NBPF12: variants seen among roughly 807,000 people sequenced by gnomAD.
The protein encoded by NBPF12 is NBPF member 12, also known as NBPF family member NBPF12.
NBPF12 carries 115 observed loss-of-function variants against 146.4 expected under a neutral mutation model. The observed-to-expected ratio is 0.79, with a 90% CI of 0.68 to 0.92. The LOEUF (loss-of-function observed/expected upper bound fraction) is 0.92, where lower values mean the gene tolerates loss of function less well. Among genes scored for constraint, NBPF12 ranks in the 40% least tolerant of loss-of-function variants. The pLI is 0.00. For synonymous variants in NBPF12, 385 were observed against 508.9 expected, an observed-to-expected ratio of 0.76 and a Z score of 3.28; for missense variants, 1,205 against 1,326.8, an observed-to-expected ratio of 0.91 and a Z score of 1.43.
At chr1:146,941,983 G>C (rs1272453812) in intron 1 of NBPF12, among the ~76,000 whole-genome samples, 1 of 148,128 alleles carries the variant, frequency 6.8e-6, no homozygotes, top group African/African-American at 2.5e-5. Context: ...TCAGCCTCCT[G>C]AGTAGCTGCG....
At chr1:146,978,674 T>A in intron 18 of NBPF12, among the ~76,000 whole-genome samples, 1 of 149,920 alleles carries the variant, frequency 6.7e-6, no homozygotes, top group Non-Finnish European at 1.5e-5. Context: ...GTTTGACCAA[T>A]TTTTGGAGAT....
intron 4 of NBPF12, among the ~76,000 whole-genome samples, chr1:146,961,282 G>A (rs1470585810): frequency 7.9e-5 from 12 of 151,744 alleles, no homozygotes; most frequent in Admixed American, 3.9e-4. Context: ...CCGAGAATGT[G>A]TGGAAGCAGC....
exon 16 of NBPF12, chr1:146,975,851 G>T (rs1656956284): frequency 3.1e-6 from 5 of 1,610,572 alleles, no homozygotes; most frequent in South Asian, 2.2e-5. Flanking sequence ...TGGCTGAGGG[G>T]TGTAGACTGG....
chr1:146,949,105 T>G (rs1655210044), upstream of NBPF12, among the ~76,000 whole-genome samples: 1 of 152,180 alleles, frequency 6.6e-6, no homozygotes. Context: ...TAATGATCAA[T>G]AAATACTAAG....
In NBPF12 at chr1:146,992,434, TTCTC is replaced by T. The variant is rs139645973; in HGVS notation, c.3849-252_3849-249del. Among the ~76,000 whole-genome samples the T allele has an allele frequency of 6.2e-3, 505 of 81,402 alleles. 7 individuals carry two copies. The highest frequency in any genetic ancestry group is 9.4e-3 in the Admixed American group (67 of 7,110). 53.4% of individuals were successfully genotyped at this position (81,402 alleles called of 152,430 possible). ...TCACCTGGACAATTCACTGAGCTCG[TTCTC>T]TCTCTCTCTCTCTCTCTCTCTCTCT... is the stretch of plus-strand genomic sequence containing the variant. On this transcript the variant is annotated intron_variant, in intron 31 of 33. Transcript: ENST00000617844.
rs1182772088 is a variant in NBPF12 at position 146,960,355 on chromosome 1, A to G, written c.175+37A>G. ...AGGCTCACCATCATGAAAGTGATGA[A>G]TGATGTCCTGTCTTCTCTCTGAGAC... On this transcript the variant is annotated intron_variant, in intron 4 of 33. Coordinates refer to ENST00000617844, the Ensembl canonical transcript of NBPF12. The G allele has an allele frequency of 4.9e-5, 73 of 1,484,588 alleles. 1 individual carries two copies. Among genetic ancestry groups the G allele is most frequent in the Admixed American group, 6.7e-5 (4 of 59,566 alleles). The allele number at this position is 1,484,588 out of a possible 1,614,324, so 92.0% of individuals were successfully genotyped here.
chr1:146,964,462 T>A (rs1288473161), intron 7 of NBPF12, 33 bp downstream of exon 10: 3 of 1,594,824 alleles, frequency 1.9e-6, no homozygotes, highest in Admixed American at 3.3e-5. Flanking sequence ...AAGTAATGGG[T>A]GGTAACATAT....
intron 18 of NBPF12, among the ~76,000 whole-genome samples, chr1:146,978,072 T>G (rs1372792914): frequency 1.3e-5 from 2 of 151,626 alleles, no homozygotes; most frequent in African/African-American, 4.8e-5. Flanking sequence ...TTCCCCAGGC[T>G]TCACTGCTCT....
At position 146,957,913 on chromosome 1, in the gene NBPF12, A is replaced by G. The variant is rs1406313881; in HGVS notation, c.-183-1946A>G. On this transcript the variant is annotated intron_variant, in intron 2 of 33. Coordinates refer to ENST00000617844, the Ensembl canonical transcript of NBPF12. ...TACACATATATATACACGTATGTATATACACGTATATAATATATATTCGTG... is the reference window on the plus strand; with the variant it reads ...TACACATATATATACACGTATGTATGTACACGTATATAATATATATTCGTG... Among the ~76,000 whole-genome samples the G allele has an allele frequency of 4.2e-5, 5 of 120,118 alleles. 1 individual carries two copies. Among genetic ancestry groups the G allele is most frequent in the African/African-American group, 1.4e-4 (5 of 35,138 alleles). The allele number at this position is 120,118 out of a possible 152,430, so 78.8% of individuals were successfully genotyped here. A position where few individuals can be genotyped will look rare whatever the true frequency, so the allele number is the denominator to read the frequency against.
At chr1:146,971,961 G>T (rs1351947608) in intron 13 of NBPF12, among the ~76,000 whole-genome samples, 1 of 149,074 alleles carries the variant, frequency 6.7e-6, no homozygotes, top group African/African-American at 2.5e-5. Flanking sequence ...GGTGTTGGGT[G>T]CCTGTAGTCT....
intron 25 of NBPF12, among the ~76,000 whole-genome samples, 193 bp from the exon 29 acceptor site, chr1:146,987,755 GTGTGTC>G (rs1395078299): frequency 6.6e-6 from 1 of 151,640 alleles, no homozygotes; most frequent in Middle Eastern, 3.2e-3. Flanking sequence ...GTGTGTGTGT[GTGTGTC>G]TGTCTTTCTC....
At chr1:146,966,360 C>A in intron 8 of NBPF12, 104 bp from the exon 12 acceptor site, 12 of 1,034,342 alleles carry the variant, frequency 1.2e-5, no homozygotes, top group Non-Finnish European at 1.5e-5. Context: ...ACATCATCTT[C>A]GAATAAGTAC....
At chr1:146,992,657 C>G (rs1389840448) in intron 31 of NBPF12, 55 bp from the exon 35 acceptor site, 2 of 768,488 alleles carry the variant, frequency 2.6e-6, no homozygotes, top group South Asian at 1.4e-5. Flanking sequence ...CTAGTTGGGG[C>G]TCTGTTGTGT....
intron 18 of NBPF12, among the ~76,000 whole-genome samples, chr1:146,978,383 G>A (rs1657184353): frequency 6.9e-6 from 1 of 143,924 alleles, no homozygotes; most frequent in South Asian, 2.3e-4. Flanking sequence ...TCCTGCCTCA[G>A]CCTCCTGAGT....
intron 8 of NBPF12, among the ~76,000 whole-genome samples, chr1:146,965,932 A>G (rs1391016643): frequency 1.3e-5 from 2 of 151,258 alleles, no homozygotes; most frequent in African/African-American, 4.9e-5. Flanking sequence ...AGATGGCGAA[A>G]CCCCATCTCT....
chr1:146,972,028 C>A (rs1178279127), intron 13 of NBPF12, among the ~76,000 whole-genome samples: 1 of 147,548 alleles, frequency 6.8e-6, no homozygotes, highest in African/African-American at 2.6e-5. Flanking sequence ...CCGGATCTTG[C>A]AGTGAGCCGA....
chr1:146,966,765 T>A, intron 9 of NBPF12, 92 bp downstream of exon 12: 6 of 809,390 alleles, frequency 7.4e-6, no homozygotes, highest in Non-Finnish European at 1.3e-5. Context: ...AAAAATAATG[T>A]CATCCTCCCC....
At chr1:146,954,679 G>A (rs1443136728) in intron 2 of NBPF12, among the ~76,000 whole-genome samples, 1 of 149,266 alleles carries the variant, frequency 6.7e-6, no homozygotes, top group Non-Finnish European at 1.5e-5. Context: ...TAATAAAATA[G>A]CAATATTATA....
intron 9 of NBPF12, among the ~76,000 whole-genome samples, chr1:146,967,317 A>G (rs2101863536): frequency 6.6e-6 from 1 of 150,838 alleles, no homozygotes; most frequent in African/African-American, 2.5e-5. Context: ...CCTGGGCAAC[A>G]TGGAGAAACC....
Sources: gnomAD v4.1 joint callset for allele counts (sites outside exome capture counted in the v4.1 genomes callset) on GRCh38, gnomAD v4.1.1 for gene constraint, MANE v1.5 for transcripts, NCBI Gene and HGNC (gene_info 2026-07-23, HGNC 2026-07-21) for gene names.